Variants in TLN2 observed in about 807,000 individuals in gnomAD.
The protein encoded by TLN2 is talin 2, also known as talin-2.
A neutral mutation model predicts 294.7 loss-of-function variants in TLN2; 118 were observed. The observed-to-expected ratio is 0.40, with a 90% CI of 0.34 to 0.47. The LOEUF is 0.47. TLN2 is among the 20% of genes least tolerant of loss of function. The probability of loss-of-function intolerance (pLI) is 0.84; values close to 1 mark genes in which losing one functional copy is unlikely to be tolerated. For missense variants in TLN2, 3,083 were observed against 3,282.2 expected (o/e 0.94, Z 1.48); for synonymous variants, 1,431 against 1,304.5 (o/e 1.10, Z -2.09).
chr15:62,751,991 C>T (rs2061966858), intron 34 of TLN2, among the ~76,000 whole-genome samples: 1 of 152,134 alleles, frequency 6.6e-6, no homozygotes, highest in Non-Finnish European at 1.5e-5. Context: ...TTTTTATATT[C>T]TGGGAACTAG....
Position 62,840,558 on chromosome 15 carries a change from G to A in TLN2, c.7577G>A (p.Arg2526His), listed in dbSNP as rs779359916. The change falls in exon 59 of 59, where the codon CGC becomes CAC. Residue 2526 changes from arginine to histidine, a missense_variant. Physicochemically the swap from Arg to His is conservative, Grantham distance 29. Transcript: ENST00000636159. ...EEARKKLAQI[R>H]QQQYKFLPTE... ...GCAAGGAAAAAACTGGCCCAAATCC[G>A]CCAGCAGCAGTATAAGTTTTTACCC... The A allele has an allele frequency of 2.5e-6, 4 of 1,614,174 alleles. No individual in the cohort carries two copies. Among genetic ancestry groups the A allele is most frequent in the East Asian group, 2.2e-5 (1 of 44,874 alleles).
At chr15:62,705,408 C>G (rs1567407816) in intron 19 of TLN2, among the ~76,000 whole-genome samples, 1 of 152,196 alleles carries the variant, frequency 6.6e-6, no homozygotes, top group Admixed American at 6.5e-5. Flanking sequence ...TTATTTTACA[C>G]TGGCTATATA....
intron 37 of TLN2, chr15:62,758,695 T>C (rs1165786465): frequency 6.6e-6 from 1 of 152,238 alleles, no homozygotes; most frequent in Admixed American, 6.5e-5. Flanking sequence ...TATGTTTGGA[T>C]TGGGAAAGTG....
At chr15:62,717,728 A>C in intron 24 of TLN2, 39 bp downstream of exon 24, 4 of 1,411,488 alleles carry the variant, frequency 2.8e-6, no homozygotes, top group African/African-American at 1.4e-5. Flanking sequence ...TCAGCTGCAG[A>C]TGACCCTGAT....
chr15:62,594,390 G>T (rs938433519), intron 2 of TLN2, among the ~76,000 whole-genome samples: 4 of 151,986 alleles, frequency 2.6e-5, no homozygotes, highest in Admixed American at 2.0e-4. Flanking sequence ...AATTTTTTTG[G>T]AGAGAGAGGG....
At chr15:62,805,058 G>A (rs747399324) in intron 50 of TLN2, among the ~76,000 whole-genome samples, 6 of 152,296 alleles carry the variant, frequency 3.9e-5, no homozygotes, top group East Asian at 1.9e-4. Context: ...CGCACTCGAC[G>A]TGAACACCTC....
chr15:62,816,258 C>T (rs1482100078), intron 52 of TLN2, among the ~76,000 whole-genome samples: 2 of 152,202 alleles, frequency 1.3e-5, no homozygotes, highest in Non-Finnish European at 2.9e-5. Context: ...TGGTGGCCTC[C>T]TGCGTTTGCT....
At chr15:62,429,115 C>T (rs577032326) in intron 1 of TLN2, among the ~76,000 whole-genome samples, 6 of 34,104 alleles carry the variant, frequency 1.8e-4, no homozygotes, top group East Asian at 1.7e-3. Context: ...GGGTGGGAAC[C>T]GGGGTTGGCG....
chr15:62,755,357 A>G (rs2141005974), intron 36 of TLN2, 175 bp from the exon 37 acceptor site: 1 of 713,236 alleles, frequency 1.4e-6, no homozygotes, highest in South Asian at 2.3e-5. Context: ...TCTGTGCTTA[A>G]GATTTCTTGC....
chr15:62,725,044 A>G lies in TLN2; in HGVS notation c.3195A>G (p.Glu1065=), dbSNP rs939521670. 1 of 1,613,494 alleles carries G rather than the reference A, an allele frequency of 6.2e-7. No individual in the cohort carries two copies. Among genetic ancestry groups the G allele is most frequent in the African/African-American group, 1.3e-5 (1 of 75,030 alleles). The stretch of plus-strand genomic sequence containing the variant: ...ATACGGTGCAGACGCTTAAGAATGA[A>G]CTGCAGGATGCCAAGATGGCAGCCG... ...ALNTVQTLKN[E]LQDAKMAAVE... is the part of the protein sequence containing the mutation. The change falls in exon 27 of 59, where the codon GAA becomes GAG. Residue 1065 remains glutamate, a synonymous_variant. Transcript: ENST00000636159.
At position 62,796,143 on chromosome 15, in the gene TLN2, C is replaced by T. The variant is rs368653121; in HGVS notation, c.5900C>T (p.Ser1967Leu). The T allele has an allele frequency of 8.2e-5, 132 of 1,614,018 alleles. No individual in the cohort carries two copies. Among genetic ancestry groups the T allele is most frequent in the Non-Finnish European group, 1.0e-4 (122 of 1,179,978 alleles). Residue 1967 changes from serine (S) to leucine (L), a missense_variant, in exon 47 of 59, where the codon TCG (serine) becomes TTG (leucine). Coordinates refer to ENST00000636159, the MANE Select transcript of TLN2 (RefSeq NM_015059.3). ...TGCCTACAGGTCTCCTTGGTGCTCT[C>T]GGCTCTCCAGGCCGGGAACAAAGGA... ...AVTEKVSLVL[S>L]ALQAGNKGTQ...
At chr15:62,586,533 TAAAGC>T in intron 1 of TLN2, among the ~76,000 whole-genome samples, 1 of 152,232 alleles carries the variant, frequency 6.6e-6, no homozygotes, top group East Asian at 1.9e-4. Context: ...CTTTTACAAA[TAAAGC>T]AAAATGAGAA....
At chr15:62,564,263 C>T (rs920670716) in intron 1 of TLN2, among the ~76,000 whole-genome samples, 1 of 152,136 alleles carries the variant, frequency 6.6e-6, no homozygotes, top group African/African-American at 2.4e-5. Flanking sequence ...GTGGGCTTCT[C>T]CCCAAGCAAG....
chr15:62,574,016 T>G (rs2044164865), intron 1 of TLN2, among the ~76,000 whole-genome samples: 1 of 152,090 alleles, frequency 6.6e-6, no homozygotes, highest in Non-Finnish European at 1.5e-5. Flanking sequence ...TGTCCCATCT[T>G]TGGTGCAGGG....
At chr15:62,676,663 G>C (rs897725422) in intron 11 of TLN2, among the ~76,000 whole-genome samples, 61 of 152,278 alleles carry the variant, frequency 4.0e-4, no homozygotes, top group Non-Finnish European at 7.5e-4. Flanking sequence ...CGCCCAGGCC[G>C]GAGTGCAGTG....
At chr15:62,744,257 C>G (rs1024717598) in intron 32 of TLN2, among the ~76,000 whole-genome samples, 1 of 152,204 alleles carries the variant, frequency 6.6e-6, no homozygotes, top group South Asian at 2.1e-4. Context: ...AGCGATCCAT[C>G]ATGCCCTGCC....
At chr15:62,768,245 T>C (rs1354358488) in intron 41 of TLN2, among the ~76,000 whole-genome samples, 1 of 152,166 alleles carries the variant, frequency 6.6e-6, no homozygotes, top group Non-Finnish European at 1.5e-5. Flanking sequence ...TCATCCAAGG[T>C]CTAAAATCAG....
intron 1 of TLN2, among the ~76,000 whole-genome samples, chr15:62,448,766 G>A (rs2035954516): frequency 6.6e-6 from 1 of 152,176 alleles, no homozygotes; most frequent in Admixed American, 6.5e-5. Flanking sequence ...CCAAATCTGA[G>A]GCAAGCAAGT....
At chr15:62,511,166 G>C (rs1055203864) in intron 1 of TLN2, among the ~76,000 whole-genome samples, 2 of 152,208 alleles carry the variant, frequency 1.3e-5, no homozygotes, top group African/African-American at 4.8e-5. Flanking sequence ...GATGATCAGG[G>C]CATGGCAAAA....
Sources: gnomAD v4.1 joint callset for allele counts (sites outside exome capture counted in the v4.1 genomes callset) on GRCh38, gnomAD v4.1.1 for gene constraint, MANE v1.5 for transcripts, NCBI Gene and HGNC (gene_info 2026-07-23, HGNC 2026-07-21) for gene names.